MAP3K4: variants seen among roughly 807,000 people sequenced by gnomAD.
MAP3K4 encodes the protein mitogen-activated protein kinase kinase kinase 4.
A neutral mutation model predicts 185.6 loss-of-function variants in MAP3K4; 67 were observed. That is an observed-to-expected ratio of 0.36 (90% CI 0.30 to 0.44). MAP3K4 has a LOEUF of 0.44. Ranked by LOEUF, MAP3K4 falls within the 20% of genes least tolerant of loss-of-function variation. The pLI, the probability that MAP3K4 is intolerant of heterozygous loss-of-function variation, is 1.00. For synonymous variants in MAP3K4, 702 were observed against 710.4 expected, an observed-to-expected ratio of 0.99 and a Z score of 0.19; for missense variants, 1,551 against 1,995.1, an observed-to-expected ratio of 0.78 and a Z score of 4.24.
In MAP3K4 at chr6:161,085,122, G is replaced by C. The variant is rs1407156217; in HGVS notation, c.2372+505G>C. On this transcript the variant is annotated intron_variant, in intron 7 of 26. Coordinates refer to ENST00000392142, the MANE Select transcript of MAP3K4 (RefSeq NM_005922.4). ...GATCATGCCACTGCACTCCAGCCTG[G>C]GTGACAGAGCAAGACTCCGTCTCAA... 9.3e-5 allele frequency among the ~76,000 whole-genome samples: 14 copies of C among 149,838 alleles called. No homozygotes were observed. In the Admixed American group the frequency reaches 9.4e-4, roughly 10 times the overall value.
chr6:161,108,646 A>C lies in MAP3K4; in HGVS notation c.4120-97A>C, dbSNP rs2272197. ...TTTTTAATTGACAAATCATGATTAC[A>C]TATATTTATGGGGTGCAAAATGATG... On this transcript the variant is annotated intron_variant, in intron 21 of 26. Coordinates refer to ENST00000392142, the MANE Select transcript of MAP3K4 (RefSeq NM_005922.4). This position sits in a 1 kb window ranked among gnomAD's most constrained non-coding sequence, Gnocchi z 5.7. 0.16 allele frequency: 116,297 copies of C among 737,686 alleles called. 10,004 individuals are homozygous for C. Among genetic ancestry groups the C allele is most frequent in the East Asian group, 0.24 (9,673 of 39,988 alleles). 45.7% of individuals were successfully genotyped at this position (737,686 alleles called of 1,614,324 possible). A position where few individuals can be genotyped will look rare whatever the true frequency, so the allele number is the denominator to read the frequency against.
At chr6:160,992,827 T>TA (rs1780798975) in intron 1 of MAP3K4, among the ~76,000 whole-genome samples, 2 of 152,144 alleles carry the variant, frequency 1.3e-5, no homozygotes, top group Non-Finnish European at 2.9e-5. Context: ...ATTTTTTTTT[T>TA]AATTGAGAGA....
At chr6:161,065,770 C>G (rs1478440614) in intron 3 of MAP3K4, among the ~76,000 whole-genome samples, 1 of 152,022 alleles carries the variant, frequency 6.6e-6, no homozygotes, top group African/African-American at 2.4e-5. Context: ...AACCCCGTCT[C>G]TACTAAAAAT....
At position 161,086,924 on chromosome 6, in the gene MAP3K4, C is replaced by T. The variant is rs1452751199; in HGVS notation, c.2556+257C>T. 6.6e-6 allele frequency among the ~76,000 whole-genome samples: 1 copy of T among 152,128 alleles called. No individual in the cohort carries two copies. The highest frequency in any genetic ancestry group is 1.5e-5 in the Non-Finnish European group (1 of 68,026). ...CTCATGCTGTTTATTAATTTAGTTACACATATTTAAAATAATGTGTATAAG... is the reference window on the plus strand; with the variant it reads ...CTCATGCTGTTTATTAATTTAGTTATACATATTTAAAATAATGTGTATAAG... On this transcript the variant is annotated intron_variant, in intron 9 of 26. Coordinates refer to ENST00000392142, the MANE Select transcript of MAP3K4 (RefSeq NM_005922.4). The surrounding 1 kb of genome is among the most constrained non-coding windows in gnomAD (Gnocchi z 4.8).
chr6:161,098,506 G>A lies in MAP3K4; in HGVS notation c.3674+79G>A, dbSNP rs144971839. On this transcript the variant is annotated intron_variant, in intron 17 of 26. Transcript: ENST00000392142. This position sits in a 1 kb window ranked among gnomAD's most constrained non-coding sequence, Gnocchi z 4.4. ...CACAGCAACCATAGTGTTAGGGTGTGTGCCGGCTGTGGTTGGGCTTCTTTG... is the reference window on the plus strand; with the variant it reads ...CACAGCAACCATAGTGTTAGGGTGTATGCCGGCTGTGGTTGGGCTTCTTTG... 2.7e-6 allele frequency: 4 copies of A among 1,481,054 alleles called. No individual in the cohort carries two copies. The East Asian group carries it at 9.6e-5, about 36-fold the overall frequency. 91.7% of individuals were successfully genotyped at this position (1,481,054 alleles called of 1,614,324 possible). A position where few individuals can be genotyped will look rare whatever the true frequency, so the allele number is the denominator to read the frequency against.
rs376559577 is a variant in MAP3K4 at position 161,076,566 on chromosome 6, GC to G, written c.2097+2956del. On this transcript the variant is annotated intron_variant, in intron 5 of 26. Transcript: ENST00000392142. This position sits in a 1 kb window ranked among gnomAD's most constrained non-coding sequence, Gnocchi z 4.2. ...TGTTATCTCATTTCCTGGGTCCCTG[GC>G]CTCAGAAGTAACCAAGACAATAAAC... Among the ~76,000 whole-genome samples, 1 of 152,230 alleles carries G rather than the reference GC, an allele frequency of 6.6e-6. No individual in the cohort carries two copies. The highest frequency in any genetic ancestry group is 2.4e-5 in the African/African-American group (1 of 41,532).
intron 2 of MAP3K4, among the ~76,000 whole-genome samples, chr6:161,046,574 A>G (rs1163988281): frequency 6.6e-6 from 1 of 151,806 alleles, no homozygotes; most frequent in Non-Finnish European, 1.5e-5. Context: ...AAAAATCTCT[A>G]TGGACAGATT....
In MAP3K4 at chr6:160,991,899, GC is replaced by G. The variant is rs1460717073; in HGVS notation, c.-30del. ...GCCCCGCGCCAGGCTGCAGCTTACT[GC>G]CCGCCGCGGCCATGCGGGGCTCCGT... On this transcript the variant is annotated 5_prime_UTR_variant, in exon 1 of 27. Coordinates refer to ENST00000392142, the MANE Select transcript of MAP3K4 (RefSeq NM_005922.4). This position sits in a 1 kb window ranked among gnomAD's most constrained non-coding sequence, Gnocchi z 5.7. 1.3e-6 allele frequency: 2 copies of G among 1,489,848 alleles called. No homozygotes were observed. Among genetic ancestry groups the G allele is most frequent in the Non-Finnish European group, 1.8e-6 (2 of 1,128,646 alleles). The allele number at this position is 1,489,848 out of a possible 1,614,324, so 92.3% of individuals were successfully genotyped here.
At chr6:161,003,661 AGAAC>A (rs1421326277) in intron 1 of MAP3K4, among the ~76,000 whole-genome samples, 3 of 152,204 alleles carry the variant, frequency 2.0e-5, no homozygotes, top group African/African-American at 7.2e-5. Flanking sequence ...GCAGCAAGGT[AGAAC>A]GAAAACCTAT....
chr6:161,050,248 A>G (rs564033566), intron 3 of MAP3K4, among the ~76,000 whole-genome samples: 2 of 152,350 alleles, frequency 1.3e-5, no homozygotes, highest in South Asian at 4.1e-4. Flanking sequence ...CAGGCTGGGT[A>G]TAAACAAAAA....
intron 15 of MAP3K4, among the ~76,000 whole-genome samples, chr6:161,094,562 C>T (rs1263683736): frequency 6.6e-6 from 1 of 151,990 alleles, no homozygotes; most frequent in Non-Finnish European, 1.5e-5. Context: ...AATAAACACC[C>T]AAGAAAGAAA....
At chr6:161,010,039 GCT>G (rs1239729451) in intron 1 of MAP3K4, among the ~76,000 whole-genome samples, 1 of 152,136 alleles carries the variant, frequency 6.6e-6, no homozygotes, top group Admixed American at 6.6e-5. Flanking sequence ...AAAAGAAAAA[GCT>G]CTTAGTTTTA....
At position 161,056,195 on chromosome 6, in the gene MAP3K4, C is replaced by A. The variant is rs1241097483; in HGVS notation, c.1707+6216C>A. 6.6e-6 allele frequency among the ~76,000 whole-genome samples: 1 copy of A among 152,066 alleles called. No individual in the cohort carries two copies. The highest frequency in any genetic ancestry group is 1.5e-5 in the Non-Finnish European group (1 of 68,016). The stretch of plus-strand genomic sequence containing the variant: ...GATTTGCTTTTTGAATCATTTCTTA[C>A]TTTCTGGCACCACAAGATGCTCTGG... On this transcript the variant is annotated intron_variant, in intron 3 of 26. Coordinates refer to ENST00000392142, the MANE Select transcript of MAP3K4 (RefSeq NM_005922.4). This position sits in a 1 kb window ranked among gnomAD's most constrained non-coding sequence, Gnocchi z 5.4.
intron 1 of MAP3K4, among the ~76,000 whole-genome samples, chr6:161,014,851 T>G (rs1414463006): frequency 6.6e-6 from 1 of 152,198 alleles, no homozygotes; most frequent in Non-Finnish European, 1.5e-5. Flanking sequence ...CAGTCAATTT[T>G]CAAACATTTT....
At chr6:161,004,495 T>C (rs555372280) in intron 1 of MAP3K4, among the ~76,000 whole-genome samples, 1 of 152,330 alleles carries the variant, frequency 6.6e-6, no homozygotes, top group African/African-American at 2.4e-5. Context: ...CTAGCACTTC[T>C]TTTTTTAAAA....
chr6:161,045,336 A>G (rs1169205607), intron 2 of MAP3K4, among the ~76,000 whole-genome samples: 1 of 152,154 alleles, frequency 6.6e-6, no homozygotes, highest in Non-Finnish European at 1.5e-5. Flanking sequence ...TCTGAACACA[A>G]AATTTCAAAA....
intron 6 of MAP3K4, among the ~76,000 whole-genome samples, 170 bp downstream of exon 6, chr6:161,081,208 G>A (rs1398408455): frequency 6.6e-6 from 1 of 151,390 alleles, no homozygotes; most frequent in Admixed American, 6.6e-5. Flanking sequence ...TCTCAGTCAG[G>A]GGTGATTTTT....
At chr6:161,104,586 C>A (rs1163608147) in intron 19 of MAP3K4, among the ~76,000 whole-genome samples, 1 of 151,820 alleles carries the variant, frequency 6.6e-6, no homozygotes, top group Admixed American at 6.6e-5. Flanking sequence ...TGGTGCGCGC[C>A]TGTAGTCCCA....
intron 1 of MAP3K4, among the ~76,000 whole-genome samples, chr6:161,020,876 A>G (rs1407651712): frequency 6.6e-6 from 1 of 152,190 alleles, no homozygotes; most frequent in Non-Finnish European, 1.5e-5. Flanking sequence ...TGTGGTATTT[A>G]TATTGGGAAT....
Sources: allele counts gnomAD v4.1 joint callset (sites outside exome capture counted in the v4.1 genomes callset), GRCh38; gene constraint gnomAD v4.1.1; non-coding constraint Gnocchi (gnomAD v3.1); transcripts MANE v1.5; gene names NCBI Gene and HGNC (gene_info 2026-07-23, HGNC 2026-07-21).